TMEM38B: variants seen among roughly 807,000 people sequenced by gnomAD.
TMEM38B encodes the protein transmembrane protein 38B, also known as trimeric intracellular cation channel type B.
TMEM38B carries 24 observed loss-of-function variants against 28.7 expected under a neutral mutation model. The observed-to-expected ratio is 0.84, with a 90% CI of 0.61 to 1.18. The LOEUF is 1.18. Among genes scored for constraint, TMEM38B ranks in the 50% most tolerant of loss-of-function variants. The pLI is 0.00. For missense variants in TMEM38B, 380 were observed against 350.9 expected, an observed-to-expected ratio of 1.08 and a Z score of -0.66; for synonymous variants, 131 against 127.7, an observed-to-expected ratio of 1.03 and a Z score of -0.17.
In TMEM38B at chr9:105,775,369, A is replaced by G. The variant is rs1826692411; in HGVS notation, c.*1289A>G. ...TTCTTACTTTATGATTTAGAAGTCC[A>G]GTTATAATATTAAAACTCTGTGACA... On this transcript the variant is annotated 3_prime_UTR_variant, in exon 6 of 6. Coordinates refer to ENST00000374692, the MANE Select transcript of TMEM38B (RefSeq NM_018112.3). The G allele has an allele frequency of 6.6e-6, 1 of 152,166 alleles. No individual in the cohort carries two copies. The highest frequency in any genetic ancestry group is 1.5e-5 in the Non-Finnish European group (1 of 68,010). 9.4% of individuals were successfully genotyped at this position (152,166 alleles called of 1,614,324 possible).
At chr9:105,721,451 C>T in intron 2 of TMEM38B, 86 bp from the exon 3 acceptor site, 1 of 1,021,732 alleles carries the variant, frequency 9.8e-7, no homozygotes, top group Non-Finnish European at 1.3e-6. Context: ...TGTGTTTTGC[C>T]AAATTGTTGT....
intron 2 of TMEM38B, among the ~76,000 whole-genome samples, chr9:105,717,750 G>C (rs1044003300): frequency 6.6e-6 from 1 of 152,104 alleles, no homozygotes; most frequent in African/African-American, 2.4e-5. Context: ...TCCCCCTGCT[G>C]TATAGTCCAT....
chr9:105,717,918 A>G (rs1588410330), intron 2 of TMEM38B, among the ~76,000 whole-genome samples: 1 of 152,340 alleles, frequency 6.6e-6, no homozygotes, highest in East Asian at 1.9e-4. Context: ...CTTAAACCTG[A>G]CAAGAACCCT....
intron 2 of TMEM38B, among the ~76,000 whole-genome samples, chr9:105,717,097 T>C (rs534386514): frequency 8.3e-4 from 127 of 152,290 alleles, no homozygotes; most frequent in African/African-American, 3.0e-3. Flanking sequence ...TGTATGTTTT[T>C]ATGGGAATTT....
rs201314077 is a variant in TMEM38B, at chr9:105,748,157, G to A, written c.627G>A (p.Met209Ile). 6.2e-7 allele frequency: 1 copy of A among 1,613,246 alleles called. No homozygotes were observed. Among genetic ancestry groups the A allele is most frequent in the East Asian group, 2.2e-5 (1 of 44,846 alleles). The change falls in exon 5 of 6, where the codon ATG becomes ATA. Residue 209 changes from methionine to isoleucine, a missense_variant. By Grantham distance (10) the Met-to-Ile change is conservative. Transcript: ENST00000374692. The stretch of plus-strand genomic sequence containing the variant: ...TGGCAATATCAAAGCATAATCTTAT[G>A]TTCCTTTATACCATCTTTATTGTGG... Reference protein sequence around the residue: ...QHLAISKHNLMFLYTIFIVAT... With the variant: ...QHLAISKHNLIFLYTIFIVAT...
At chr9:105,734,118 TGTAA>T (rs1303419439) in intron 4 of TMEM38B, among the ~76,000 whole-genome samples, 39 of 152,158 alleles carry the variant, frequency 2.6e-4, no homozygotes, top group African/African-American at 9.2e-4. Context: ...TGCTGCATCA[TGTAA>T]GTATTGGTAT....
chr9:105,724,767 T>C (rs1836447105), intron 4 of TMEM38B, among the ~76,000 whole-genome samples: 1 of 152,190 alleles, frequency 6.6e-6, no homozygotes, highest in Non-Finnish European at 1.5e-5. Flanking sequence ...AAAGGAAGCT[T>C]TGATTAACGA....
chr9:105,710,234 A>G (rs367603560), intron 2 of TMEM38B: 3 of 532,382 alleles, frequency 5.6e-6, no homozygotes, highest in Non-Finnish European at 3.5e-6. Context: ...CCACTTTCAG[A>G]TCTTTCTTGA....
Position 105,694,650 on chromosome 9 carries a change from C to G in TMEM38B, c.-11C>G. On this transcript the variant is annotated 5_prime_UTR_variant, in exon 1 of 6. Transcript: ENST00000374692. ...CCGCGGCTGCTTCGGTTGCCGCGGT[C>G]GGTGGTCGTTATGGATTCTCCATGG... The G allele has an allele frequency of 6.2e-7, 1 of 1,610,128 alleles. No homozygotes were observed. Among genetic ancestry groups the G allele is most frequent in the Non-Finnish European group, 8.5e-7 (1 of 1,176,758 alleles).
At chr9:105,737,559 C>T (rs991359842) in intron 4 of TMEM38B, among the ~76,000 whole-genome samples, 18 of 152,202 alleles carry the variant, frequency 1.2e-4, no homozygotes, top group African/African-American at 4.3e-4. Context: ...ACTCTACTCT[C>T]TGAGGAAGTG....
chr9:105,698,561 A>G (rs1835360962), intron 1 of TMEM38B, among the ~76,000 whole-genome samples: 1 of 152,112 alleles, frequency 6.6e-6, no homozygotes, highest in Non-Finnish European at 1.5e-5. Context: ...AAAATGATGA[A>G]TCATCCTTAT....
In TMEM38B at chr9:105,758,636, C is replaced by T. The variant is rs922765921; in HGVS notation, c.660+10446C>T. 11 of 817,674 alleles carry T rather than the reference C, an allele frequency of 1.3e-5. No homozygotes were observed. The African/African-American group carries it at 1.9e-4, about 14-fold the overall frequency. The allele number at this position is 817,674 out of a possible 1,614,324, so 50.7% of individuals were successfully genotyped here. ...ATGTTGATGGTACTAACCAGCTCTT[C>T]AGATTTCCTGCAACTTAGCCATTTA... On this transcript the variant is annotated intron_variant, in intron 5 of 5. Transcript: ENST00000374692.
intron 5 of TMEM38B, among the ~76,000 whole-genome samples, chr9:105,768,356 C>T (rs143153684): frequency 4.9e-4 from 74 of 151,792 alleles, no homozygotes; most frequent in African/African-American, 1.6e-3. Context: ...GATTTTTTTC[C>T]AGTGTGCTAA....
intron 4 of TMEM38B, among the ~76,000 whole-genome samples, chr9:105,730,350 G>A (rs760592557): frequency 2.6e-5 from 4 of 151,180 alleles, no homozygotes; most frequent in African/African-American, 9.7e-5. Context: ...TGGTTTTTTC[G>A]TTGGTCCTGT....
rs542783552 is a variant in TMEM38B, at chr9:105,733,989, T to G, written c.542+11368T>G. Among the ~76,000 whole-genome samples the G allele has an allele frequency of 1.3e-3, 198 of 152,230 alleles. 1 individual carries two copies. Among genetic ancestry groups the G allele is most frequent in the African/African-American group, 4.5e-3 (188 of 41,574 alleles). On this transcript the variant is annotated intron_variant, in intron 4 of 5. Coordinates refer to ENST00000374692, the MANE Select transcript of TMEM38B (RefSeq NM_018112.3). ...TATTCTTTCCTTCTTTGTGCTAATTTTGGGTTTACTTTGTTCTTTTTTTAT... is the reference window on the plus strand; with the variant it reads ...TATTCTTTCCTTCTTTGTGCTAATTGTGGGTTTACTTTGTTCTTTTTTTAT...
rs780912237 is a variant in TMEM38B, at chr9:105,748,182, G to T, written c.652G>T (p.Ala218Ser). The T allele has an allele frequency of 6.2e-7, 1 of 1,605,420 alleles. No individual in the cohort carries two copies. Among genetic ancestry groups the T allele is most frequent in the South Asian group, 1.1e-5 (1 of 90,418 alleles). The change falls in exon 5 of 6, where the codon GCC (alanine) becomes TCC (serine). Residue 218 changes from alanine (A) to serine (S), a missense_variant. Physicochemically the swap from Ala to Ser is moderately conservative, Grantham distance 99. Coordinates refer to ENST00000374692, the MANE Select transcript of TMEM38B (RefSeq NM_018112.3). ...LMFLYTIFIV[A>S]TKITMMTTQT... ...GTTCCTTTATACCATCTTTATTGTG[G>T]CCACAAAGGTAAGAATTCAAAGTAC...
At chr9:105,716,704 T>C (rs1269969012) in intron 2 of TMEM38B, among the ~76,000 whole-genome samples, 2 of 122,898 alleles carry the variant, frequency 1.6e-5, no homozygotes, top group Non-Finnish European at 3.3e-5. Context: ...TCCCTCCTCC[T>C]CGTCAGCCTA....
chr9:105,710,570 T>G lies in TMEM38B; in HGVS notation c.269+4817T>G. The G allele has an allele frequency of 5.5e-6, 5 of 914,328 alleles. No homozygotes were observed. The South Asian group carries it at 6.5e-5, about 12-fold the overall frequency. The allele number at this position is 914,328 out of a possible 1,614,324, so 56.6% of individuals were successfully genotyped here. On this transcript the variant is annotated intron_variant, in intron 2 of 5. Transcript: ENST00000374692. Reference sequence around the variant, plus strand: ...TCCACAAATCCACTTTCTGTCCAAATTATATAAAGTGTCTTCAGCATCAGG... The same window carrying G: ...TCCACAAATCCACTTTCTGTCCAAAGTATATAAAGTGTCTTCAGCATCAGG...
At chr9:105,765,379 T>C (rs1304278442) in intron 5 of TMEM38B, among the ~76,000 whole-genome samples, 19 of 152,192 alleles carry the variant, frequency 1.2e-4, no homozygotes, top group Non-Finnish European at 2.6e-4. Flanking sequence ...TAAAGTACAT[T>C]CAGTCTAGGA....
Sources: gnomAD v4.1 joint callset for allele counts (sites outside exome capture counted in the v4.1 genomes callset) on GRCh38, gnomAD v4.1.1 for gene constraint, MANE v1.5 for transcripts, NCBI Gene and HGNC (gene_info 2026-07-23, HGNC 2026-07-21) for gene names.